The following CD38 variants were observed in gnomAD, a reference collection of about 807,000 sequenced individuals.
The protein encoded by CD38 is CD38 molecule, also known as ADP-ribosyl cyclase/cyclic ADP-ribose hydrolase 1.
In CD38, 31 loss-of-function variants were observed where a neutral mutation model predicts 36.3. The ratio of observed to expected loss-of-function variants is 0.85; its 90% CI spans 0.64 to 1.15. The LOEUF (loss-of-function observed/expected upper bound fraction) is 1.15, where lower values mean the gene tolerates loss of function less well. Ranked by LOEUF, CD38 falls within the 50% of genes most tolerant of loss-of-function variation. The pLI, the probability that CD38 is intolerant of heterozygous loss-of-function variation, is 0.00. For synonymous variants in CD38, 131 were observed against 135.2 expected (o/e 0.97, Z 0.22); for missense variants, 380 against 371.9 (o/e 1.02, Z -0.18).
intron 1 of CD38, among the ~76,000 whole-genome samples, chr4:15,811,006 C>T (rs1445905524): frequency 2.0e-5 from 3 of 152,182 alleles, no homozygotes; most frequent in Admixed American, 2.0e-4. Context: ...GTTTTGATTT[C>T]TACTTCCCTA....
At chr4:15,818,774 A>C (rs1300103330) in intron 2 of CD38, among the ~76,000 whole-genome samples, 1 of 152,202 alleles carries the variant, frequency 6.6e-6, no homozygotes, top group African/African-American at 2.4e-5. Context: ...GCCCTATGGA[A>C]GAAAGGGCCT....
At position 15,851,798 on chromosome 4, in the gene CD38, CAT is replaced by C. The variant is rs1160452312; in HGVS notation, c.*3198_*3199del. Reference sequence around the variant, plus strand: ...GATGATTTTGTCATTGTGTGAACATCATAGAGTGTACTTACACTAACCTAGAT... The same window carrying C: ...GATGATTTTGTCATTGTGTGAACATCAGAGTGTACTTACACTAACCTAGAT... On this transcript the variant is annotated 3_prime_UTR_variant, in exon 8 of 8. Transcript: ENST00000226279. The C allele has an allele frequency of 6.6e-6, 1 of 152,184 alleles. No homozygotes were observed. The highest frequency in any genetic ancestry group is 2.4e-5 in the African/African-American group (1 of 41,424). The allele number at this position is 152,184 out of a possible 1,614,324, so 9.4% of individuals were successfully genotyped here. A position where few individuals can be genotyped will look rare whatever the true frequency, so the allele number is the denominator to read the frequency against.
At chr4:15,798,832 GTTTA>G (rs1253768451) in intron 1 of CD38, among the ~76,000 whole-genome samples, 1 of 151,800 alleles carries the variant, frequency 6.6e-6, no homozygotes, top group Admixed American at 6.6e-5. Flanking sequence ...CTTTTTATGT[GTTTA>G]TTTGTCATTC....
At chr4:15,822,734 A>G (rs536362684) in intron 2 of CD38, among the ~76,000 whole-genome samples, 32 of 152,344 alleles carry the variant, frequency 2.1e-4, no homozygotes, top group South Asian at 8.3e-4. Flanking sequence ...GGAAGAATCA[A>G]TATCGTGAAA....
At chr4:15,796,111 T>C (rs1014270093) in intron 1 of CD38, among the ~76,000 whole-genome samples, 3 of 152,094 alleles carry the variant, frequency 2.0e-5, no homozygotes, top group African/African-American at 7.2e-5. Context: ...TAAATCTCCA[T>C]GGGAATTCTT....
At chr4:15,790,445 C>T (rs574144919) in intron 1 of CD38, among the ~76,000 whole-genome samples, 5 of 152,094 alleles carry the variant, frequency 3.3e-5, no homozygotes, top group African/African-American at 7.2e-5. Context: ...CCCGAGGTGC[C>T]GGGATTGCGG....
chr4:15,806,331 A>T (rs897677813), intron 1 of CD38, among the ~76,000 whole-genome samples: 50 of 152,188 alleles, frequency 3.3e-4, no homozygotes, highest in African/African-American at 1.2e-3. Flanking sequence ...AACCAATCCT[A>T]TTCTGTGGGT....
intron 1 of CD38, among the ~76,000 whole-genome samples, chr4:15,801,820 C>G (rs1015263840): frequency 3.3e-5 from 5 of 152,116 alleles, no homozygotes; most frequent in African/African-American, 9.7e-5. Flanking sequence ...CCATATATGA[C>G]AAATCCACAG....
chr4:15,803,456 G>A (rs4546237), intron 1 of CD38, among the ~76,000 whole-genome samples: 66 of 152,194 alleles, frequency 4.3e-4, no homozygotes, highest in African/African-American at 1.5e-3. Context: ...TTTTAAAATC[G>A]GCAATTGATC....
chr4:15,781,317 C>G (rs1722690880), intron 1 of CD38, among the ~76,000 whole-genome samples: 1 of 152,210 alleles, frequency 6.6e-6, no homozygotes, highest in Admixed American at 6.5e-5. Flanking sequence ...CACTAACAGT[C>G]TCCTTTAGAC....
rs766804106 is a variant in CD38, at chr4:15,840,513, C to T, written c.814C>T (p.Gln272Ter). ...LESIISKRNI[Q>*]FSCKNIYRPD... ...ATCGATTATAAGCAAAAGGAATATT[C>T]AATTTTCCTGCAAGAATATCTACAG... The change falls in exon 7 of 8, where the codon CAA becomes TAA. Residue 272 changes from glutamine to a stop codon, truncating the protein, a stop_gained. Coordinates refer to ENST00000226279, the MANE Select transcript of CD38 (RefSeq NM_001775.4). LOFTEE classifies it low-confidence loss of function (END_TRUNC). 2 of 1,595,674 alleles carry T rather than the reference C, an allele frequency of 1.3e-6. No homozygotes were observed. The highest frequency in any genetic ancestry group is 4.5e-5 in the East Asian group (2 of 44,728).
At chr4:15,786,272 T>A (rs552871100) in intron 1 of CD38, among the ~76,000 whole-genome samples, 22 of 152,230 alleles carry the variant, frequency 1.4e-4, no homozygotes, top group Non-Finnish European at 2.9e-4. Context: ...ACCCACATCC[T>A]GCTGATTGGT....
intron 1 of CD38, among the ~76,000 whole-genome samples, chr4:15,808,018 A>G (rs1723380494): frequency 2.0e-5 from 3 of 152,174 alleles, no homozygotes; most frequent in Middle Eastern, 3.2e-3. Context: ...TCATGCAGGA[A>G]GGAAGGCAGG....
intron 7 of CD38, among the ~76,000 whole-genome samples, 179 bp downstream of exon 7, chr4:15,840,717 A>G (rs1162743770): frequency 6.6e-6 from 1 of 152,136 alleles, no homozygotes; most frequent in African/African-American, 2.4e-5. Context: ...TCCAGAAGGT[A>G]TCCAAGCTAG....
chr4:15,779,719 G>A (rs1722649854), intron 1 of CD38, among the ~76,000 whole-genome samples: 1 of 151,916 alleles, frequency 6.6e-6, no homozygotes, highest in Non-Finnish European at 1.5e-5. Context: ...GAAACTAGAA[G>A]TTGAGGCGTT....
intron 7 of CD38, 26 bp downstream of exon 7, chr4:15,840,564 A>C: frequency 7.6e-7 from 1 of 1,317,832 alleles, no homozygotes; most frequent in Non-Finnish European, 1.1e-6. Flanking sequence ...TTGAAGAAAA[A>C]AATGACTGTC....
intron 3 of CD38, among the ~76,000 whole-genome samples, chr4:15,826,841 C>T (rs1397874088): frequency 1.3e-5 from 2 of 152,144 alleles, no homozygotes; most frequent in Non-Finnish European, 1.5e-5. Context: ...ATTTTTGGCT[C>T]ATTTCAGAAG....
At chr4:15,821,886 A>AG (rs201977865) in intron 2 of CD38, among the ~76,000 whole-genome samples, 1 of 151,768 alleles carries the variant, frequency 6.6e-6, no homozygotes, top group Non-Finnish European at 1.5e-5. Flanking sequence ...AAAAAAAAAA[A>AG]GAAAGAAAGA....
chr4:15,787,386 C>G (rs1722861502), intron 1 of CD38, among the ~76,000 whole-genome samples: 1 of 152,206 alleles, frequency 6.6e-6, no homozygotes, highest in Admixed American at 6.5e-5. Context: ...TTTCAAAAAG[C>G]AGGAAACAGC....
Sources: allele counts gnomAD v4.1 joint callset (sites outside exome capture counted in the v4.1 genomes callset), GRCh38; gene constraint gnomAD v4.1.1; transcripts MANE v1.5; gene names NCBI Gene and HGNC (gene_info 2026-07-23, HGNC 2026-07-21).